SMG5: variants seen among roughly 807,000 people sequenced by gnomAD.
SMG5 encodes SMG5 nonsense mediated mRNA decay factor, also known as nonsense-mediated mRNA decay factor SMG5.
SMG5 carries 53 observed loss-of-function variants against 122.9 expected under a neutral mutation model. The observed-to-expected ratio is 0.43, with a 90% confidence interval of 0.35 to 0.54. SMG5 has a LOEUF of 0.54. SMG5 is among the 20% of genes least tolerant of loss of function. The probability of loss-of-function intolerance (pLI) is 0.01; values close to 1 mark genes in which losing one functional copy is unlikely to be tolerated. For synonymous variants in SMG5, 477 were observed against 490.2 expected, an observed-to-expected ratio of 0.97 and a Z score of 0.35; for missense variants, 1,153 against 1,285.6, an observed-to-expected ratio of 0.90 and a Z score of 1.58.
At chr1:156,255,733 A>G (rs1291361875) in intron 16 of SMG5, among the ~76,000 whole-genome samples, 5 of 151,982 alleles carry the variant, frequency 3.3e-5, no homozygotes, top group Admixed American at 6.6e-5. Flanking sequence ...AAAAAAAAGT[A>G]TATTTTTTTT....
In SMG5 at chr1:156,261,402, G is replaced by C. The variant is rs754852076; in HGVS notation, c.2038C>G (p.Gln680Glu). The C allele has an allele frequency of 5.0e-6, 8 of 1,614,092 alleles. No individual in the cohort carries two copies. In the Middle Eastern group the frequency reaches 1.2e-3, roughly 233 times the overall value. The change falls in exon 14 of 22, where the codon CAA becomes GAA. Residue 680 changes from glutamine to glutamate, a missense_variant. Physicochemically the swap from Gln to Glu is conservative, Grantham distance 29. This residue lies in a region of SMG5 where 631 missense variants were observed against 650.6 expected (regional missense o/e 0.97). Coordinates refer to ENST00000361813, the MANE Select transcript of SMG5 (RefSeq NM_015327.3). ...DLIIVCAQSS[Q>E]SLWNRLSVLL... ...ACAGACAGGCGGTTCCACAGACTTTGAGAGCTCTGGGGAGAGAGAAGGGAG... is the reference window on the plus strand; with the variant it reads ...ACAGACAGGCGGTTCCACAGACTTTCAGAGCTCTGGGGAGAGAGAAGGGAG...
At chr1:156,281,718 G>A (rs970031852) in intron 1 of SMG5, among the ~76,000 whole-genome samples, 1 of 152,214 alleles carries the variant, frequency 6.6e-6, no homozygotes, top group African/African-American at 2.4e-5. Flanking sequence ...CTCTGTAGTA[G>A]AAGGCACAAA....
intron 16 of SMG5, among the ~76,000 whole-genome samples, chr1:156,257,180 G>A (rs945055687): frequency 6.6e-6 from 1 of 152,070 alleles, no homozygotes; most frequent in Non-Finnish European, 1.5e-5. Flanking sequence ...GCCCGCCTTG[G>A]CCTCCCAAAG....
chr1:156,254,885 T>C (rs538407355), intron 16 of SMG5, among the ~76,000 whole-genome samples: 3 of 145,572 alleles, frequency 2.1e-5, no homozygotes, highest in Admixed American at 6.9e-5. Flanking sequence ...AGGTCAGGAG[T>C]TCGAGAGCAG....
rs756210010 is a variant in SMG5 at position 156,279,048 on chromosome 1, C to T, written c.75-14G>A. On this transcript the variant is annotated splice_polypyrimidine_tract_variant and intron_variant, in intron 1 of 21. Coordinates refer to ENST00000361813, the MANE Select transcript of SMG5 (RefSeq NM_015327.3). The stretch of plus-strand genomic sequence containing the variant: ...TCCACCACAGCCCTGTAGGGAAATA[C>T]AGGCAAATATCCCCTCAGCCATATG... 1.2e-6 allele frequency: 2 copies of T among 1,609,696 alleles called. No homozygotes were observed. Among genetic ancestry groups the T allele is most frequent in the Admixed American group, 1.7e-5 (1 of 60,004 alleles).
Position 156,260,553 on chromosome 1 carries a change from C to G in SMG5, c.2181G>C (p.Leu727=). The G allele has an allele frequency of 6.4e-7, 1 of 1,563,106 alleles. No homozygotes were observed. Among genetic ancestry groups the G allele is most frequent in the Non-Finnish European group, 8.6e-7 (1 of 1,161,048 alleles). Residue 727 remains leucine (L), a synonymous_variant, in exon 15 of 22, where the codon CTG becomes CTC. Coordinates refer to ENST00000361813, the MANE Select transcript of SMG5 (RefSeq NM_015327.3). ...CELPDLPSSL[L]LPEDMALRNL... ...TACGAAGAGCCATGTCCTCTGGGAG[C>G]AGAAGGCTAGAGGGGAGGTCAGGCA...
Position 156,249,932 on chromosome 1 carries a change from T to C in SMG5, c.*655A>G, listed in dbSNP as rs1251117138. On this transcript the variant is annotated 3_prime_UTR_variant, in exon 22 of 22. Transcript: ENST00000361813. ...GACAGAGGGAGACACAAAGCAGAAGTGGGGCAATGGGATGTGCAGCCCCTG... is the reference window on the plus strand; with the variant it reads ...GACAGAGGGAGACACAAAGCAGAAGCGGGGCAATGGGATGTGCAGCCCCTG... 2.1e-6 allele frequency: 1 copy of C among 471,044 alleles called. No individual in the cohort carries two copies. The highest frequency in any genetic ancestry group is 2.0e-5 in the African/African-American group (1 of 50,152). 29.2% of individuals were successfully genotyped at this position (471,044 alleles called of 1,614,324 possible).
the SMG5 span, chr1:156,290,117 A>G: frequency 6.6e-6 from 1 of 152,372 alleles, no homozygotes; most frequent in East Asian, 1.9e-4. Context: ...CCATTTTTAT[A>G]TTGATATAAA....
intron 7 of SMG5, among the ~76,000 whole-genome samples, chr1:156,268,887 T>C (rs192170506): frequency 1.0e-3 from 156 of 152,202 alleles, no homozygotes; most frequent in African/African-American, 3.6e-3. Context: ...CATTCACAGA[T>C]GAGGACACAT....
the SMG5 span, chr1:156,291,376 C>G: frequency 6.2e-7 from 1 of 1,612,928 alleles, no homozygotes; most frequent in Admixed American, 1.7e-5. Flanking sequence ...CCTTTTCTTG[C>G]CCCCATAGGC....
At chr1:156,285,288 G>A (rs1279739141), upstream of SMG5, 4 of 1,573,322 alleles carry the variant, frequency 2.5e-6, no homozygotes, top group East Asian at 2.2e-5. Flanking sequence ...CCAGAGAAGA[G>A]CTCACCCCAG....
chr1:156,265,709 A>G, intron 12 of SMG5, 72 bp downstream of exon 12: 1 of 1,550,448 alleles, frequency 6.4e-7, no homozygotes, highest in South Asian at 1.2e-5. Flanking sequence ...CAGATAGGAA[A>G]GCGGCCTCTC....
At chr1:156,289,121 T>C in the SMG5 span, among the ~76,000 whole-genome samples, 3 of 152,226 alleles carry the variant, frequency 2.0e-5, no homozygotes, top group Non-Finnish European at 4.4e-5. Flanking sequence ...TTTCATCATC[T>C]GTAAAATGAG....
chr1:156,290,492 C>T, the SMG5 span: 1 of 149,610 alleles, frequency 6.7e-6, no homozygotes, highest in African/African-American at 2.5e-5. Context: ...GAGTTGGGGG[C>T]TGCCACTGCA....
chr1:156,283,039 G>A (rs992657012), upstream of SMG5: 4 of 452,850 alleles, frequency 8.8e-6, no homozygotes, highest in Non-Finnish European at 3.9e-6. Flanking sequence ...CCACTGAGGC[G>A]GCCAAAGCTT....
chr1:156,257,263 C>A (rs1375004588), intron 16 of SMG5, among the ~76,000 whole-genome samples: 2 of 152,264 alleles, frequency 1.3e-5, no homozygotes, highest in East Asian at 3.9e-4. Context: ...GATGCAAGCA[C>A]CTACCTCACT....
rs1381218864 is a variant in SMG5 at position 156,252,967 on chromosome 1, G to A, written c.2614C>T (p.Arg872Cys). ...QALCHHLPVI[R>C]QLATSGRFIV... ...AAGCGGCCACTGGTGGCCAGTTGGC[G>A]GATGACAGGGAGATGGTGGCAGAGG... Residue 872 changes from arginine (R) to cysteine (C), a missense_variant, in exon 18 of 22, where the codon CGC becomes TGC. Coordinates refer to ENST00000361813, the MANE Select transcript of SMG5 (RefSeq NM_015327.3). 8 of 1,612,820 alleles carry A rather than the reference G, an allele frequency of 5.0e-6. No homozygotes were observed. The highest frequency in any genetic ancestry group is 2.2e-5 in the East Asian group (1 of 44,860).
chr1:156,267,436 G>A (rs1469854038), intron 10 of SMG5, 34 bp downstream of exon 10: 1 of 1,604,518 alleles, frequency 6.2e-7, no homozygotes, highest in South Asian at 1.1e-5. Context: ...CCCAAAGCCA[G>A]TGGAAGAGAA....
At chr1:156,251,597 C>T in intron 19 of SMG5, 120 bp from the exon 20 acceptor site, 2 of 927,790 alleles carry the variant, frequency 2.2e-6, no homozygotes, top group Non-Finnish European at 3.5e-6. Flanking sequence ...GAACATGTCT[C>T]TCCCACCACA....
Sources: gnomAD v4.1 joint callset for allele counts (sites outside exome capture counted in the v4.1 genomes callset) on GRCh38, gnomAD v4.1.1 for gene constraint, gnomAD v4.1.1 regional missense constraint, MANE v1.5 for transcripts, NCBI Gene and HGNC (gene_info 2026-07-23, HGNC 2026-07-21) for gene names.